ZNF618: variants seen among roughly 807,000 people sequenced by gnomAD.
The protein encoded by ZNF618 is neural precursor cell expressed, developmentally down-regulated 10.
In ZNF618, 34 loss-of-function variants were observed where a neutral mutation model predicts 103.0. The ratio of observed to expected loss-of-function variants is 0.33; its 90% CI spans 0.25 to 0.44. ZNF618 has a LOEUF of 0.44. Ranked by LOEUF, ZNF618 falls within the 20% of genes least tolerant of loss-of-function variation. The probability of loss-of-function intolerance (pLI) is 1.00; values close to 1 mark genes in which losing one functional copy is unlikely to be tolerated. For missense variants in ZNF618, 1,059 were observed against 1,295.4 expected (o/e 0.82, Z 2.80); for synonymous variants, 551 against 542.2 (o/e 1.02, Z -0.23).
In ZNF618 at chr9:114,008,371, A is replaced by G; in HGVS notation, c.668A>G (p.Asn223Ser). The change falls in exon 8 of 15, where the codon AAC (asparagine) becomes AGC (serine). Residue 223 changes from asparagine to serine, a missense_variant. Physicochemically the swap from Asn to Ser is conservative, Grantham distance 46. Around this residue, in one of 6 missense-constraint regions of ZNF618, gnomAD observed 434 missense variants for 476.0 expected, o/e 0.91. Coordinates refer to ENST00000374126, the MANE Select transcript of ZNF618 (RefSeq NM_001318042.2). ...DVFSVEGAPE[N>S]RADPFDQGVV... Reference sequence around the variant, plus strand: ...TTTAGTGTGGAAGGGGCCCCTGAGAACCGGGCAGGTAAGTCCTTGGTGTCT... The same window carrying G: ...TTTAGTGTGGAAGGGGCCCCTGAGAGCCGGGCAGGTAAGTCCTTGGTGTCT... 1 of 1,613,824 alleles carries G rather than the reference A, an allele frequency of 6.2e-7. No homozygotes were observed. Among genetic ancestry groups the G allele is most frequent in the Non-Finnish European group, 8.5e-7 (1 of 1,179,832 alleles).
At chr9:114,033,056 T>G (rs951955686) in intron 12 of ZNF618, among the ~76,000 whole-genome samples, 1 of 152,034 alleles carries the variant, frequency 6.6e-6, no homozygotes, top group African/African-American at 2.4e-5. Context: ...ACTGCTATGT[T>G]TTTAGGGTAG....
Position 114,028,930 on chromosome 9 carries a change from C to A in ZNF618, c.1042C>A (p.Arg348Ser), listed in dbSNP as rs754708522. The change falls in exon 11 of 15, where the codon CGC becomes AGC. Residue 348 changes from arginine (R) to serine (S), a missense_variant. Coordinates refer to ENST00000374126, the MANE Select transcript of ZNF618 (RefSeq NM_001318042.2). The stretch of plus-strand genomic sequence containing the variant: ...TCCAGCCACCCAAACCCAGACGTTC[C>A]GCACTCCAAATTCGGGATCTCCGGC... ...TPPATQTQTFRTPNSGSPASK... is the reference protein window; with the variant it reads ...TPPATQTQTFSTPNSGSPASK... 1.9e-6 allele frequency: 3 copies of A among 1,550,802 alleles called. No individual in the cohort carries two copies. Among genetic ancestry groups the A allele is most frequent in the East Asian group, 2.4e-5 (1 of 40,916 alleles).
At chr9:114,021,893 C>T (rs557343814) in intron 10 of ZNF618, among the ~76,000 whole-genome samples, 4 of 152,076 alleles carry the variant, frequency 2.6e-5, no homozygotes, top group Non-Finnish European at 4.4e-5. Flanking sequence ...TTTTGAGATT[C>T]ATCTATGCTT....
chr9:113,981,671 T>C (rs540066576), intron 2 of ZNF618, among the ~76,000 whole-genome samples: 41 of 152,372 alleles, frequency 2.7e-4, no homozygotes, highest in Admixed American at 1.6e-3. Flanking sequence ...GGCATCTCTT[T>C]GGGCTTCAGA....
intron 1 of ZNF618, among the ~76,000 whole-genome samples, chr9:113,941,260 A>G (rs1235294036): frequency 6.6e-6 from 1 of 152,096 alleles, no homozygotes; most frequent in African/African-American, 2.4e-5. Context: ...TTCTCCTTCC[A>G]TAGTTTGTTT....
intron 1 of ZNF618, among the ~76,000 whole-genome samples, chr9:113,932,196 T>C (rs1330671090): frequency 6.6e-6 from 1 of 152,164 alleles, no homozygotes; most frequent in Non-Finnish European, 1.5e-5. Flanking sequence ...GAAAGACCTC[T>C]CTGATAAACA....
intron 1 of ZNF618, among the ~76,000 whole-genome samples, chr9:113,967,505 C>T (rs1443383365): frequency 6.6e-6 from 1 of 152,188 alleles, no homozygotes; most frequent in Non-Finnish European, 1.5e-5. Context: ...GATGTCACCC[C>T]ATTTCCCAAT....
intron 7 of ZNF618, 83 bp from the exon 8 acceptor site, chr9:114,008,261 G>A: frequency 1.9e-6 from 3 of 1,576,432 alleles, no homozygotes; most frequent in African/African-American, 1.3e-5. Flanking sequence ...GGGAGCAGTG[G>A]CAGAGGCAGC....
chr9:113,944,520 C>A (rs1407582464), intron 1 of ZNF618, among the ~76,000 whole-genome samples: 1 of 152,204 alleles, frequency 6.6e-6, no homozygotes, highest in Non-Finnish European at 1.5e-5. Flanking sequence ...CTCTAGTGAT[C>A]TGCCCACCTT....
intron 1 of ZNF618, among the ~76,000 whole-genome samples, chr9:113,888,336 A>G (rs6478045): frequency 0.62 from 94,707 of 152,146 alleles, 29,802 homozygotes; most frequent in Admixed American, 0.68. Context: ...TCCCCATTTC[A>G]TGGGGCCTGG....
chr9:113,919,860 A>G (rs1194403001), intron 1 of ZNF618, among the ~76,000 whole-genome samples: 2 of 152,252 alleles, frequency 1.3e-5, no homozygotes, highest in Non-Finnish European at 2.9e-5. Context: ...GAAGTCATGA[A>G]CATTGTAAAA....
At chr9:113,945,981 C>T (rs1834992835) in intron 1 of ZNF618, among the ~76,000 whole-genome samples, 1 of 152,196 alleles carries the variant, frequency 6.6e-6, no homozygotes, top group Non-Finnish European at 1.5e-5. Context: ...CAGGGACTGG[C>T]GGCTTTGCTG....
intron 1 of ZNF618, among the ~76,000 whole-genome samples, chr9:113,942,279 G>C (rs1834627965): frequency 6.6e-6 from 1 of 151,440 alleles, no homozygotes; most frequent in Non-Finnish European, 1.5e-5. Context: ...ACACAGAGGA[G>C]TGGCTTCATG....
At chr9:114,020,070 G>A (rs1564307606) in intron 10 of ZNF618, among the ~76,000 whole-genome samples, 1 of 152,128 alleles carries the variant, frequency 6.6e-6, no homozygotes, top group Non-Finnish European at 1.5e-5. Flanking sequence ...CAGATACCTG[G>A]TTGTTACAAC....
At chr9:113,935,876 C>T (rs960856503) in intron 1 of ZNF618, among the ~76,000 whole-genome samples, 1 of 152,090 alleles carries the variant, frequency 6.6e-6, no homozygotes, top group Admixed American at 6.5e-5. Context: ...AGATCAGGCC[C>T]GTTCCTCCCA....
At chr9:113,946,029 G>A (rs544279379) in intron 1 of ZNF618, among the ~76,000 whole-genome samples, 8 of 152,138 alleles carry the variant, frequency 5.3e-5, no homozygotes, top group African/African-American at 1.2e-4. Context: ...AGGCTCCATC[G>A]GGGACAAAGA....
At chr9:113,917,286 C>T (rs1372298151) in intron 1 of ZNF618, among the ~76,000 whole-genome samples, 2 of 142,516 alleles carry the variant, frequency 1.4e-5, no homozygotes, top group Non-Finnish European at 3.0e-5. Flanking sequence ...GGCTTTGTCA[C>T]CCAGGCTGCA....
At chr9:113,952,020 G>A (rs969096983) in intron 1 of ZNF618, among the ~76,000 whole-genome samples, 9 of 152,164 alleles carry the variant, frequency 5.9e-5, no homozygotes, top group African/African-American at 1.4e-4. Context: ...CAGGTATTCC[G>A]GCCCTGGGTT....
intron 2 of ZNF618, among the ~76,000 whole-genome samples, chr9:113,973,882 A>G (rs970099592): frequency 6.6e-6 from 1 of 152,228 alleles, no homozygotes; most frequent in African/African-American, 2.4e-5. Context: ...AGAAGAGGTT[A>G]AAGGGCTCAT....
Sources: gnomAD v4.1 joint callset for allele counts (sites outside exome capture counted in the v4.1 genomes callset) on GRCh38, gnomAD v4.1.1 for gene constraint, gnomAD v4.1.1 regional missense constraint, MANE v1.5 for transcripts, NCBI Gene and HGNC (gene_info 2026-07-23, HGNC 2026-07-21) for gene names.